TET2: variants seen among roughly 807,000 people sequenced by gnomAD.
The protein encoded by TET2 is tet methylcytosine dioxygenase 2.
Under a neutral mutation model 142.9 loss-of-function variants are expected in TET2, and 299 were observed. The observed-to-expected ratio is 2.09, with a 90% CI of 1.90 to 2.30. The LOEUF (loss-of-function observed/expected upper bound fraction) is 2.30, where lower values mean the gene tolerates loss of function less well. TET2 is among the 30% of genes most tolerant of loss of function. TET2 has a pLI of 0.00. For missense variants in TET2, 2,418 were observed against 2,378.0 expected, an observed-to-expected ratio of 1.02 and a Z score of -0.35; for synonymous variants, 819 against 849.0, an observed-to-expected ratio of 0.96 and a Z score of 0.61.
At position 105,278,537 on chromosome 4, in the gene TET2, T is replaced by C. The variant is rs1731324666; in HGVS notation, c.*2018T>C. 4.3e-6 allele frequency: 1 copy of C among 231,292 alleles called. No individual in the cohort carries two copies. The highest frequency in any genetic ancestry group is 1.8e-4 in the South Asian group (1 of 5,520). The allele number at this position is 231,292 out of a possible 1,614,324, so 14.3% of individuals were successfully genotyped here. Reference sequence around the variant, plus strand: ...CCTATGCCAACATGTCACCTGTGTTTATGTAAAATTGTTGTAGGTTAATAA... The same window carrying C: ...CCTATGCCAACATGTCACCTGTGTTCATGTAAAATTGTTGTAGGTTAATAA... On this transcript the variant is annotated 3_prime_UTR_variant, in exon 11 of 11. Coordinates refer to ENST00000380013, the MANE Select transcript of TET2 (RefSeq NM_001127208.3).
chr4:105,276,203 C>G lies in TET2; in HGVS notation c.5693C>G (p.Ser1898Cys). The G allele has an allele frequency of 6.4e-7, 1 of 1,551,652 alleles. No individual in the cohort carries two copies. Among genetic ancestry groups the G allele is most frequent in the Non-Finnish European group, 8.7e-7 (1 of 1,146,986 alleles). Residue 1898 changes from serine (S) to cysteine (C), a missense_variant, in exon 11 of 11, where the codon TCC becomes TGC. Coordinates refer to ENST00000380013, the MANE Select transcript of TET2 (RefSeq NM_001127208.3). ...NPNRNHPTRISLVFYQHKSMN... is the reference protein window; with the variant it reads ...NPNRNHPTRICLVFYQHKSMN... ...AATAGGAATCACCCCACCAGGATCT[C>G]CCTCGTCTTTTACCAGCATAAGAGC...
intron 2 of TET2, among the ~76,000 whole-genome samples, chr4:105,203,361 T>C (rs1251603620): frequency 4.6e-5 from 7 of 152,192 alleles, no homozygotes; most frequent in Non-Finnish European, 1.5e-5. Context: ...GGTTTTAAGC[T>C]ATGTATTTAC....
intron 2 of TET2, among the ~76,000 whole-genome samples, chr4:105,226,633 C>CCCTCCCTCTT (rs1005057695): frequency 6.6e-6 from 1 of 151,352 alleles, no homozygotes; most frequent in African/African-American, 2.4e-5. Context: ...CTCTGTCCTT[C>CCCTCCCTCTT]CCTCCCTCTT....
At position 105,217,962 on chromosome 4, in the gene TET2, C is replaced by T. The variant is rs1347667659; in HGVS notation, c.-46-15935C>T. Among the ~76,000 whole-genome samples, 4 of 152,080 alleles carry T rather than the reference C, an allele frequency of 2.6e-5. No homozygotes were observed. The East Asian group carries it at 7.7e-4, about 29-fold the overall frequency. On this transcript the variant is annotated intron_variant, in intron 2 of 10. Coordinates refer to ENST00000380013, the MANE Select transcript of TET2 (RefSeq NM_001127208.3). ...CTTCTTAATGTCAAAAATTCAGAAACCCAATTTTATCTCTCCCGCAGAGTT... is the reference window on the plus strand; with the variant it reads ...CTTCTTAATGTCAAAAATTCAGAAATCCAATTTTATCTCTCCCGCAGAGTT...
chr4:105,238,086 T>C, intron 3 of TET2: 1 of 249,094 alleles, frequency 4.0e-6, no homozygotes, highest in Non-Finnish European at 7.9e-6. Context: ...ATGTAAAAGT[T>C]ATTTATATAC....
chr4:105,225,175 A>T (rs1213868540), intron 2 of TET2, among the ~76,000 whole-genome samples: 2 of 79,664 alleles, frequency 2.5e-5, no homozygotes, highest in Non-Finnish European at 5.3e-5. Flanking sequence ...TGCACCATAT[A>T]GTAAAAAATC....
Position 105,261,770 on chromosome 4 carries a change from G to A in TET2, c.3966G>A (p.Leu1322=). 1 of 1,544,928 alleles carries A rather than the reference G, an allele frequency of 6.5e-7. No individual in the cohort carries two copies. Among genetic ancestry groups the A allele is most frequent in the Non-Finnish European group, 8.8e-7 (1 of 1,141,854 alleles). The change falls in exon 8 of 11, where the codon CTG becomes CTA. Residue 1322 remains leucine (L), a synonymous_variant. Coordinates refer to ENST00000380013, the MANE Select transcript of TET2 (RefSeq NM_001127208.3). ...TTCACTTTATACAGGAAGAGAAACT[G>A]GAGTCTCATTTGCAAAACCTGTCCA... ...LGDDPKEEEK[L]ESHLQNLSTL...
intron 2 of TET2, among the ~76,000 whole-genome samples, chr4:105,218,963 TTAGAG>T (rs906730923): frequency 2.0e-5 from 3 of 152,050 alleles, no homozygotes; most frequent in African/African-American, 7.2e-5. Context: ...TCAAAGAAAA[TTAGAG>T]TAATCTTCAT....
chr4:105,158,748 C>T (rs1178571630), intron 1 of TET2, among the ~76,000 whole-genome samples: 1 of 151,102 alleles, frequency 6.6e-6, no homozygotes, highest in Non-Finnish European at 1.5e-5. Flanking sequence ...TTAGGTAGAG[C>T]AGTTAATTTA....
chr4:105,224,552 G>A (rs933076668), intron 2 of TET2, among the ~76,000 whole-genome samples: 1 of 152,228 alleles, frequency 6.6e-6, no homozygotes, highest in Non-Finnish European at 1.5e-5. Flanking sequence ...GCTAAAACCT[G>A]TTTTGGTCTT....
rs1455089175 is a variant in TET2 at position 105,244,588 on chromosome 4, T to C, written c.3803+810T>C. 3.3e-4 allele frequency among the ~76,000 whole-genome samples: 21 copies of C among 64,170 alleles called. 2 individuals are homozygous for C. The highest frequency in any genetic ancestry group is 7.0e-4 in the African/African-American group (15 of 21,488). 42.1% of individuals were successfully genotyped at this position (64,170 alleles called of 152,430 possible). On this transcript the variant is annotated intron_variant, in intron 6 of 10. Transcript: ENST00000380013. ...TGTTCACGGTGCTACACAGAAATGT[T>C]TTTTTTTTTTTTTTTTTTTTTTTTG...
intron 2 of TET2, among the ~76,000 whole-genome samples, chr4:105,191,448 T>A (rs1467540190): frequency 6.6e-6 from 1 of 152,104 alleles, no homozygotes; most frequent in African/African-American, 2.4e-5. Context: ...TATAAGACAG[T>A]TAAAATTATA....
chr4:105,276,524 AC>A lies in TET2; in HGVS notation c.*10del. The A allele has an allele frequency of 6.5e-7, 1 of 1,544,748 alleles. No individual in the cohort carries two copies. Among genetic ancestry groups the A allele is most frequent in the African/African-American group, 1.4e-5 (1 of 72,840 alleles). ...CCTTACAACAGATATATATGATATC[AC>A]CCCCTTTTGTTGGTTACCTCACTTG... On this transcript the variant is annotated 3_prime_UTR_variant, in exon 11 of 11. Coordinates refer to ENST00000380013, the MANE Select transcript of TET2 (RefSeq NM_001127208.3).
chr4:105,219,488 T>G (rs1242451310), intron 2 of TET2, among the ~76,000 whole-genome samples: 1 of 152,124 alleles, frequency 6.6e-6, no homozygotes, highest in Non-Finnish European at 1.5e-5. Flanking sequence ...AAAATGCTTG[T>G]GTTACAAGGA....
At chr4:105,181,500 C>A (rs569567425) in intron 1 of TET2, among the ~76,000 whole-genome samples, 1 of 152,306 alleles carries the variant, frequency 6.6e-6, no homozygotes, top group East Asian at 1.9e-4. Context: ...TAACACAGGA[C>A]AATCAACAAC....
At chr4:105,227,878 T>A (rs1728278714) in intron 2 of TET2, among the ~76,000 whole-genome samples, 1 of 152,290 alleles carries the variant, frequency 6.6e-6, no homozygotes, top group South Asian at 2.1e-4. Flanking sequence ...TCTACAAAAA[T>A]TCATCTTTGA....
chr4:105,214,915 A>C (rs1727404477), intron 2 of TET2, among the ~76,000 whole-genome samples: 1 of 152,170 alleles, frequency 6.6e-6, no homozygotes, highest in Non-Finnish European at 1.5e-5. Flanking sequence ...TTGAACCCAA[A>C]GAGGGTGTTG....
At chr4:105,243,538 G>A (rs985204564) in intron 5 of TET2, 32 bp from the exon 6 acceptor site, 2 of 1,545,388 alleles carry the variant, frequency 1.3e-6, no homozygotes, top group African/African-American at 1.4e-5. Context: ...TTGGGGTGGG[G>A]GGTGTTTGGG....
At chr4:105,241,108 A>G in intron 3 of TET2, 2 of 1,108,446 alleles carry the variant, frequency 1.8e-6, no homozygotes, top group Non-Finnish European at 2.3e-6. Flanking sequence ...TTTTTATCCC[A>G]TATCTGAAAT....
Sources: allele counts gnomAD v4.1 joint callset (sites outside exome capture counted in the v4.1 genomes callset), GRCh38; gene constraint gnomAD v4.1.1; transcripts MANE v1.5; gene names NCBI Gene and HGNC (gene_info 2026-07-23, HGNC 2026-07-21).